Variants in PYGM observed in about 807,000 individuals in gnomAD.
The protein encoded by PYGM is glycogen phosphorylase, muscle form.
PYGM carries 81 observed loss-of-function variants against 99.3 expected under a neutral mutation model. That is an observed-to-expected ratio of 0.82 (90% confidence interval 0.68 to 0.98). The LOEUF (loss-of-function observed/expected upper bound fraction) is 0.98, where lower values mean the gene tolerates loss of function less well. PYGM is among the 50% of genes least tolerant of loss of function. The pLI is 0.00. For synonymous variants in PYGM, 436 were observed against 451.5 expected, an observed-to-expected ratio of 0.97 and a Z score of 0.44; for missense variants, 1,030 against 1,158.1, an observed-to-expected ratio of 0.89 and a Z score of 1.61.
At position 64,752,035 on chromosome 11, in the gene PYGM, C is replaced by A. The variant is rs1311913891; in HGVS notation, c.1657G>T (p.Glu553Ter). The A allele has an allele frequency of 6.2e-7, 1 of 1,611,984 alleles. No individual in the cohort carries two copies. The highest frequency in any genetic ancestry group is 8.5e-7 in the Non-Finnish European group (1 of 1,178,920). ...KLKFAAYLER[E>*]YKVHINPNSL... ...TTGGGGTTGATGTGGACTTTGTATTCCCTCTCTAGGTAGGCAGCAAACTTC... is the reference window on the plus strand; with the variant it reads ...TTGGGGTTGATGTGGACTTTGTATTACCTCTCTAGGTAGGCAGCAAACTTC... The change falls in exon 14 of 20, where the codon GAA becomes TAA. Residue 553 changes from glutamate to a stop codon, truncating the protein, a stop_gained. Coordinates refer to ENST00000164139, the MANE Select transcript of PYGM (RefSeq NM_005609.4). LOFTEE classifies it high-confidence loss of function.
At chr11:64,759,186 C>G (rs932430905) in intron 1 of PYGM, among the ~76,000 whole-genome samples, 29 of 152,158 alleles carry the variant, frequency 1.9e-4, no homozygotes, top group Admixed American at 7.8e-4. Flanking sequence ...CTCCCAGTTT[C>G]CTGGGTCCCC....
intron 17 of PYGM, among the ~76,000 whole-genome samples, chr11:64,749,316 C>T (rs1467240072): frequency 4.0e-5 from 6 of 151,880 alleles, no homozygotes; most frequent in Non-Finnish European, 7.4e-5. Context: ...CATTGCACTG[C>T]GGCCTGGGTG....
chr11:64,750,439 C>A lies in PYGM; in HGVS notation c.2114G>T (p.Gly705Val). ...GCCAAAGATGAAGAAGTTTTCCTCT[C>A]CCGCCTCTTCTGCCATCTCCACATT... ...GANVEMAEEA[G>V]EENFFIFGMR... is the part of the protein sequence containing the mutation. Residue 705 changes from glycine to valine, a missense_variant, in exon 17 of 20, where the codon GGA becomes GTA. Transcript: ENST00000164139. The A allele has an allele frequency of 6.2e-7, 1 of 1,614,234 alleles. No homozygotes were observed.
chr11:64,754,767 TG>T lies in PYGM; in HGVS notation c.924del (p.Ile309SerfsTer42). 6.2e-7 allele frequency: 1 copy of T among 1,613,902 alleles called. No homozygotes were observed. The highest frequency in any genetic ancestry group is 1.3e-5 in the African/African-American group (1 of 75,018). On this transcript the variant is annotated frameshift_variant, in exon 8 of 20. Coordinates refer to ENST00000164139, the MANE Select transcript of PYGM (RefSeq NM_005609.4). LOFTEE classifies it high-confidence loss of function. The surrounding 1 kb of genome is among the most constrained non-coding windows in gnomAD (Gnocchi z 5.5). ...AACTTGGAAGACTTGAAGCGACGGA[TG>T]ATGTCCTGGAGGGTGGCAGCCACCA... ...YFVVAATLQDIIRRFKSSKFG... is the reference protein window; with the variant it reads ...YFVVAATLQDXIRRFKSSKFG...
rs767703629 is a variant in PYGM, at chr11:64,752,477, G to A, written c.1546C>T (p.Leu516=). The change falls in exon 13 of 20, where the codon CTG becomes TTG. Residue 516 remains leucine, a synonymous_variant. Transcript: ENST00000164139. ...GAGAGCAGTTTGCGCAGCTGGTCCA[G>A]GTCAGAGATGAAGTCCTCCCCGATG... is the stretch of plus-strand genomic sequence containing the variant. ...ERIGEDFISD[L]DQLRKLLSFV... 11 of 1,614,106 alleles carry A rather than the reference G, an allele frequency of 6.8e-6. No homozygotes were observed. The African/African-American group carries it at 1.3e-4, about 20-fold the overall frequency.
At position 64,758,614 on chromosome 11, in the gene PYGM, CCTCGTCACAGG is replaced by C. The variant is rs2058411355; in HGVS notation, c.323_333del (p.Ala108GlyfsTer16). 6.2e-7 allele frequency: 1 copy of C among 1,613,346 alleles called. No homozygotes were observed. The highest frequency in any genetic ancestry group is 1.3e-5 in the African/African-American group (1 of 74,892). On this transcript the variant is annotated frameshift_variant, in exon 2 of 20. Coordinates refer to ENST00000164139, the MANE Select transcript of PYGM (RefSeq NM_005609.4). LOFTEE classifies it high-confidence loss of function. ...CACCCCACACACACCTGGTAGGTGG[CCTCGTCACAGG>C]CATTCTCTAAGGCCAGGTTCACCAT...
chr11:64,760,030 C>A, upstream of PYGM: 1 of 1,381,932 alleles, frequency 7.2e-7, no homozygotes, highest in East Asian at 2.4e-5. Flanking sequence ...CACGCCCCGC[C>A]TCCCCTGCAA....
chr11:64,753,324 G>T, intron 11 of PYGM, 137 bp from the exon 12 acceptor site: 1 of 1,176,272 alleles, frequency 8.5e-7, no homozygotes, highest in Non-Finnish European at 1.3e-6. Flanking sequence ...TGGGGGTGCT[G>T]TGTGTAAGAG....
At chr11:64,748,619 C>T (rs920352814) in intron 17 of PYGM, 5 of 152,088 alleles carry the variant, frequency 3.3e-5, no homozygotes, top group African/African-American at 7.2e-5. Flanking sequence ...TTTAACAAAC[C>T]GGAAATTAAC....
In PYGM at chr11:64,746,573, G is replaced by A. The variant is rs751876771; in HGVS notation, c.*86C>T. ...GGAGGGGCTTAGAGATCTAACTCCA[G>A]TACCCCACCCTCTGCATGAGGTGCT... On this transcript the variant is annotated 3_prime_UTR_variant, in exon 20 of 20. Coordinates refer to ENST00000164139, the MANE Select transcript of PYGM (RefSeq NM_005609.4). 3.2e-6 allele frequency: 5 copies of A among 1,564,210 alleles called. No individual in the cohort carries two copies. The highest frequency in any genetic ancestry group is 4.4e-6 in the Non-Finnish European group (5 of 1,141,118).
At position 64,750,410 on chromosome 11, in the gene PYGM, G is replaced by T. The variant is rs780656375; in HGVS notation, c.2143C>A (p.Arg715=). ...GEENFFIFGM[R]VEDVDKLDQR... ...TCAAGCTTATCCACATCCTCCACCC[G>T]CATGCCAAAGATGAAGAAGTTTTCC... The change falls in exon 17 of 20, where the codon CGG becomes AGG. Residue 715 remains arginine, a synonymous_variant. Transcript: ENST00000164139. The T allele has an allele frequency of 1.9e-6, 3 of 1,613,972 alleles. No homozygotes were observed. Among genetic ancestry groups the T allele is most frequent in the African/African-American group, 2.7e-5 (2 of 74,978 alleles).
At position 64,754,032 on chromosome 11, in the gene PYGM, C is replaced by G; in HGVS notation, c.1093-7G>C. The stretch of plus-strand genomic sequence containing the variant: ...TCACTGTCACATCCCACGCCTGGCA[C>G]ACGGGGTGGGCAGTCAGGATGCTGA... On this transcript the variant is annotated splice_polypyrimidine_tract_variant and splice_region_variant and intron_variant, in intron 9 of 19. Transcript: ENST00000164139. The surrounding 1 kb of genome is among the most constrained non-coding windows in gnomAD (Gnocchi z 5.5). The G allele has an allele frequency of 6.3e-7, 1 of 1,598,792 alleles. No homozygotes were observed. Among genetic ancestry groups the G allele is most frequent in the Non-Finnish European group, 8.5e-7 (1 of 1,172,676 alleles).
intron 4 of PYGM, 123 bp from the exon 5 acceptor site, chr11:64,758,033 C>T: frequency 6.8e-7 from 1 of 1,475,984 alleles, no homozygotes; most frequent in Non-Finnish European, 9.2e-7. Context: ...GTCAGGAGCT[C>T]TGAGGTGGGC....
In PYGM at chr11:64,759,771, T is replaced by C; in HGVS notation, c.128A>G (p.Asp43Gly). 1.2e-6 allele frequency: 2 copies of C among 1,614,170 alleles called. No homozygotes were observed. The highest frequency in any genetic ancestry group is 1.7e-6 in the Non-Finnish European group (2 of 1,180,026). Residue 43 changes from aspartate (D) to glycine (G), a missense_variant, in exon 1 of 20, where the codon GAC becomes GGC. By Grantham distance (94) the Asp-to-Gly change is moderately conservative (BLOSUM62 -1). Coordinates refer to ENST00000164139, the MANE Select transcript of PYGM (RefSeq NM_005609.4). ...NRHLHFTLVKDRNVATPRDYY... is the reference protein window; with the variant it reads ...NRHLHFTLVKGRNVATPRDYY... Reference sequence around the variant, plus strand: ...GTCTCGTGGGGTGGCCACATTGCGGTCCTTTACGAGTGTGAAATGCAGGTG... The same window carrying C: ...GTCTCGTGGGGTGGCCACATTGCGGCCCTTTACGAGTGTGAAATGCAGGTG...
chr11:64,751,902 G>T (rs752859796), intron 14 of PYGM, 22 bp downstream of exon 14: 1 of 1,614,078 alleles, frequency 6.2e-7, no homozygotes, highest in Non-Finnish European at 8.5e-7. Flanking sequence ...CTGAGAGACA[G>T]GGTAGAGTGG....
intron 5 of PYGM, 40 bp downstream of exon 5, chr11:64,757,739 C>T: frequency 6.2e-7 from 1 of 1,613,772 alleles, no homozygotes; most frequent in South Asian, 1.1e-5. Context: ...CTCTTCCCTC[C>T]CCTTCTCTGG....
Position 64,758,221 on chromosome 11 carries a change from A to C in PYGM, c.528+25T>G, listed in dbSNP as rs372423184. The C allele has an allele frequency of 7.6e-6, 12 of 1,587,156 alleles. No individual in the cohort carries two copies. The Admixed American group carries it at 8.3e-5, about 11-fold the overall frequency. ...GTCTTCCCCATCCTGACTAGACCCC[A>C]CAAGTTAGAGCCAAGGCTGCTCACC... On this transcript the variant is annotated intron_variant, in intron 4 of 19. Transcript: ENST00000164139.
At chr11:64,753,713 G>T in intron 10 of PYGM, 31 bp from the exon 11 acceptor site, 1 of 1,593,722 alleles carries the variant, frequency 6.3e-7, no homozygotes. Context: ...GCTAGAACCA[G>T]ACCCAGGAAC....
At chr11:64,753,332 G>C (rs2058369567) in intron 11 of PYGM, 145 bp from the exon 12 acceptor site, 1 of 1,180,746 alleles carries the variant, frequency 8.5e-7, no homozygotes. Context: ...CTGTGTGTAA[G>C]AGGAGGTCAT....
Sources: gnomAD v4.1 joint callset for allele counts (sites outside exome capture counted in the v4.1 genomes callset) on GRCh38, gnomAD v4.1.1 for gene constraint, Gnocchi (gnomAD v3.1) non-coding constraint, MANE v1.5 for transcripts, NCBI Gene and HGNC (gene_info 2026-07-23, HGNC 2026-07-21) for gene names.